The following LARGE1 variants were observed in gnomAD, a reference collection of about 807,000 sequenced individuals.
The protein encoded by LARGE1 is xylosyl- and glucuronyltransferase LARGE1.
Under a neutral mutation model 87.6 loss-of-function variants are expected in LARGE1, and 43 were observed. That is an observed-to-expected ratio of 0.49 (90% confidence interval 0.38 to 0.63). The LOEUF is 0.63. Ranked by LOEUF, LARGE1 falls within the 30% of genes least tolerant of loss-of-function variation. LARGE1 has a pLI of 0.00. For synonymous variants in LARGE1, 434 were observed against 394.6 expected (o/e 1.10, Z -1.18); for missense variants, 802 against 1,000.2 (o/e 0.80, Z 2.67).
chr22:33,885,210 C>T (rs1179897667), intron 1 of LARGE1, among the ~76,000 whole-genome samples: 2 of 73,382 alleles, frequency 2.7e-5, no homozygotes, highest in African/African-American at 8.5e-5. Flanking sequence ...CAGGCGATAC[C>T]ATGCTTCCTA....
At chr22:33,690,547 C>G (rs1433829939) in intron 2 of LARGE1, among the ~76,000 whole-genome samples, 1 of 151,616 alleles carries the variant, frequency 6.6e-6, no homozygotes, top group Non-Finnish European at 1.5e-5. Context: ...GCTCCTTCTA[C>G]TAGAGACCTG....
intron 5 of LARGE1, among the ~76,000 whole-genome samples, chr22:33,590,131 G>A (rs1376289777): frequency 6.6e-6 from 1 of 151,964 alleles, no homozygotes; most frequent in Non-Finnish European, 1.5e-5. Flanking sequence ...ATCAATTTTT[G>A]TTTTGTGCTT....
rs547010476 is a variant in LARGE1 at position 33,911,214 on chromosome 22, C to T, written c.-83+8781G>A. On this transcript the variant is annotated intron_variant, in intron 1 of 14. Coordinates refer to ENST00000397394, the MANE Select transcript of LARGE1 (RefSeq NM_133642.5). ...CCAGGGAGCCTAGGTTCTGGTTCCACCTCCCCTCTGAATAATCATCTTGAC... is the reference window on the plus strand; with the variant it reads ...CCAGGGAGCCTAGGTTCTGGTTCCATCTCCCCTCTGAATAATCATCTTGAC... Among the ~76,000 whole-genome samples, 23 of 152,274 alleles carry T rather than the reference C, an allele frequency of 1.5e-4. 1 individual carries two copies. In the South Asian group the frequency reaches 4.8e-3, roughly 32 times the overall value.
intron 12 of LARGE1, among the ~76,000 whole-genome samples, chr22:33,298,284 G>C (rs998401551): frequency 6.6e-6 from 1 of 152,220 alleles, no homozygotes; most frequent in African/African-American, 2.4e-5. Flanking sequence ...CTGAGGGCCA[G>C]AACTTTGTCT....
intron 9 of LARGE1, among the ~76,000 whole-genome samples, chr22:33,340,696 C>A (rs1939047048): frequency 6.6e-6 from 1 of 151,850 alleles, no homozygotes; most frequent in Non-Finnish European, 1.5e-5. Context: ...GGGGGCTCAC[C>A]CATGGGTTGA....
At chr22:33,257,603 G>C (rs1927382177) in intron 11 of LARGE1, among the ~76,000 whole-genome samples, 1 of 152,118 alleles carries the variant, frequency 6.6e-6, no homozygotes, top group African/African-American at 2.4e-5. Context: ...GACACAGAAA[G>C]CCTTTAAATA....
At chr22:33,535,526 A>G (rs2077016929) in intron 6 of LARGE1, among the ~76,000 whole-genome samples, 1 of 151,770 alleles carries the variant, frequency 6.6e-6, no homozygotes, top group Non-Finnish European at 1.5e-5. Context: ...CTGGGTGATG[A>G]GAGTAAAACT....
intron 2 of LARGE1, among the ~76,000 whole-genome samples, chr22:33,715,721 C>G (rs937324309): frequency 6.6e-6 from 1 of 152,136 alleles, no homozygotes; most frequent in African/African-American, 2.4e-5. Context: ...CCCTAGCTCC[C>G]CAAACAACAC....
chr22:33,428,230 G>A (rs1225881507), intron 7 of LARGE1, among the ~76,000 whole-genome samples: 1 of 151,890 alleles, frequency 6.6e-6, no homozygotes, highest in Non-Finnish European at 1.5e-5. Context: ...GATTTACTAA[G>A]TACTTACTTT....
chr22:33,769,185 G>C (rs867578514), intron 1 of LARGE1, among the ~76,000 whole-genome samples: 1 of 152,154 alleles, frequency 6.6e-6, no homozygotes, highest in African/African-American at 2.4e-5. Flanking sequence ...GGTTGGCTCT[G>C]ATGATGTGCC....
intron 10 of LARGE1, among the ~76,000 whole-genome samples, chr22:33,333,536 T>A (rs1009854221): frequency 6.6e-6 from 1 of 152,220 alleles, no homozygotes; most frequent in African/African-American, 2.4e-5. Context: ...CTCTGGTACA[T>A]GAACTTCCAG....
chr22:33,721,758 T>A (rs1463290331), intron 2 of LARGE1, among the ~76,000 whole-genome samples: 1 of 152,182 alleles, frequency 6.6e-6, no homozygotes, highest in African/African-American at 2.4e-5. Flanking sequence ...ACAAAGAACT[T>A]CTCACAGAAG....
chr22:33,497,672 T>C (rs1388288629), intron 6 of LARGE1, among the ~76,000 whole-genome samples: 2 of 152,196 alleles, frequency 1.3e-5, no homozygotes, highest in East Asian at 1.9e-4. Flanking sequence ...ACTCTTCTTC[T>C]AGAAGAAGGC....
chr22:33,536,625 T>C (rs1198740460), intron 6 of LARGE1, among the ~76,000 whole-genome samples: 1 of 152,222 alleles, frequency 6.6e-6, no homozygotes, highest in African/African-American at 2.4e-5. Context: ...TTTGGCCTTA[T>C]GATGCGTCAC....
intron 5 of LARGE1, among the ~76,000 whole-genome samples, chr22:33,586,873 G>A (rs2078692787): frequency 6.6e-6 from 1 of 152,108 alleles, no homozygotes; most frequent in Admixed American, 6.6e-5. Flanking sequence ...TAAAAATTGT[G>A]CTACTACAGA....
At chr22:33,879,462 C>T (rs2064597785) in intron 1 of LARGE1, among the ~76,000 whole-genome samples, 1 of 152,134 alleles carries the variant, frequency 6.6e-6, no homozygotes, top group Admixed American at 6.5e-5. Flanking sequence ...CCACAGCCAC[C>T]CAGCTAGTAA....
intron 7 of LARGE1, among the ~76,000 whole-genome samples, chr22:33,395,238 A>T (rs1246761091): frequency 6.6e-6 from 1 of 151,116 alleles, no homozygotes; most frequent in East Asian, 1.9e-4. Flanking sequence ...AAAAAAAAAA[A>T]AAAAAAAAAG....
intron 9 of LARGE1, among the ~76,000 whole-genome samples, chr22:33,353,000 C>T (rs1940537583): frequency 6.6e-6 from 1 of 152,200 alleles, no homozygotes; most frequent in African/African-American, 2.4e-5. Flanking sequence ...AGTATAAGCT[C>T]TTCCTTAGCT....
At chr22:33,877,900 C>T (rs1228888606) in intron 1 of LARGE1, among the ~76,000 whole-genome samples, 1 of 151,574 alleles carries the variant, frequency 6.6e-6, no homozygotes, top group Non-Finnish European at 1.5e-5. Context: ...CCAGCCTGAG[C>T]AACAGAGCGA....
Sources: allele counts gnomAD v4.1 joint callset (sites outside exome capture counted in the v4.1 genomes callset), GRCh38; gene constraint gnomAD v4.1.1; transcripts MANE v1.5; gene names NCBI Gene and HGNC (gene_info 2026-07-23, HGNC 2026-07-21).